The following RFC1 variants were observed in gnomAD, a reference collection of about 807,000 sequenced individuals.
RFC1 encodes replication factor C subunit 1.
A neutral mutation model predicts 137.4 loss-of-function variants in RFC1; 37 were observed. That is an observed-to-expected ratio of 0.27 (90% confidence interval 0.21 to 0.35). The LOEUF is 0.35. RFC1 is among the 10% of genes least tolerant of loss of function. The pLI is 1.00. For synonymous variants in RFC1, 429 were observed against 455.7 expected (o/e 0.94, Z 0.75); for missense variants, 1,205 against 1,358.5 (o/e 0.89, Z 1.78).
intron 20 of RFC1, 24 bp downstream of exon 20, chr4:39,300,236 C>T: frequency 1.9e-6 from 3 of 1,613,846 alleles, no homozygotes; most frequent in South Asian, 2.2e-5. Context: ...CTAAGCACAC[C>T]TCTCACCAGC....
rs1221112151 is a variant in RFC1 at position 39,289,965 on chromosome 4, T to A, written c.3243A>T (p.Ala1081=). The change falls in exon 24 of 25, where the codon GCA becomes GCT. Residue 1081 remains alanine, a synonymous_variant. Coordinates refer to ENST00000349703, the MANE Select transcript of RFC1 (RefSeq NM_002913.5). ...LTPYSLQAIK[A]SRHSTSPSLD... is the part of the protein sequence containing the mutation. ...GGGATGGGCTTGTGCTGTGTCTAGA[T>A]GCCTTTATAGCTTGAAGTGAGTATG... 1 of 1,613,598 alleles carries A rather than the reference T, an allele frequency of 6.2e-7. No homozygotes were observed. Among genetic ancestry groups the A allele is most frequent in the African/African-American group, 1.3e-5 (1 of 74,914 alleles).
At chr4:39,290,937 G>A (rs1737643493) in intron 23 of RFC1, among the ~76,000 whole-genome samples, 1 of 151,964 alleles carries the variant, frequency 6.6e-6, no homozygotes, top group African/African-American at 2.4e-5. Context: ...TAACTTGAAA[G>A]TCTTACCTTC....
At chr4:39,302,706 T>C in intron 17 of RFC1, 31 bp downstream of exon 17, 2 of 1,549,398 alleles carry the variant, frequency 1.3e-6, no homozygotes, top group Non-Finnish European at 1.7e-6. Flanking sequence ...AATAGGCTAG[T>C]GTGATGGAAA....
chr4:39,311,002 G>A (rs777826512), intron 12 of RFC1, among the ~76,000 whole-genome samples: 7 of 151,928 alleles, frequency 4.6e-5, no homozygotes, highest in East Asian at 1.9e-4. Flanking sequence ...ATTAGCAGGC[G>A]TGGTGTCAGG....
chr4:39,339,535 T>C (rs80259234), intron 4 of RFC1, among the ~76,000 whole-genome samples: 148 of 152,340 alleles, frequency 9.7e-4, no homozygotes, highest in African/African-American at 3.5e-3. Context: ...GCCACTTTTA[T>C]GCATTCTCTG....
intron 1 of RFC1, among the ~76,000 whole-genome samples, chr4:39,360,431 C>T (rs1403574439): frequency 6.6e-6 from 1 of 151,706 alleles, no homozygotes; most frequent in African/African-American, 2.4e-5. Flanking sequence ...TGAACCCAGG[C>T]AGCAGCGGTT....
chr4:39,335,746 G>A lies in RFC1; in HGVS notation c.331+6599C>T, dbSNP rs113364486. Among the ~76,000 whole-genome samples the A allele has an allele frequency of 3.0e-3, 464 of 152,200 alleles. 1 individual carries two copies. Among genetic ancestry groups the A allele is most frequent in the African/African-American group, 0.011 (437 of 41,498 alleles). ...AAATCTGCCTGACCACAGAGTTAAGGGAGTGATTCTGCAATCGATGCAATT... is the reference window on the plus strand; with the variant it reads ...AAATCTGCCTGACCACAGAGTTAAGAGAGTGATTCTGCAATCGATGCAATT... On this transcript the variant is annotated intron_variant, in intron 4 of 24. Transcript: ENST00000349703.
At chr4:39,322,638 G>A (rs930988849) in intron 7 of RFC1, among the ~76,000 whole-genome samples, 4 of 152,212 alleles carry the variant, frequency 2.6e-5, no homozygotes, top group African/African-American at 9.6e-5. Context: ...GGTAAACTGG[G>A]CACAGAAGCT....
intron 2 of RFC1, among the ~76,000 whole-genome samples, chr4:39,348,467 AAG>A (rs1741014902): frequency 1.4e-5 from 2 of 139,278 alleles, no homozygotes; most frequent in African/African-American, 5.1e-5. Context: ...AAGAAAAGAA[AAG>A]AAAAGAAAAG....
intron 9 of RFC1, 68 bp from the exon 10 acceptor site, chr4:39,317,090 C>T: frequency 1.1e-6 from 1 of 913,942 alleles, no homozygotes; most frequent in South Asian, 1.4e-5. Context: ...AAATACATAT[C>T]TAGAAATAAA....
At chr4:39,326,219 C>T (rs1739756843) in intron 6 of RFC1, among the ~76,000 whole-genome samples, 1 of 152,062 alleles carries the variant, frequency 6.6e-6, no homozygotes, top group Non-Finnish European at 1.5e-5. Context: ...AAAATAAAAA[C>T]TCCAATGGTT....
Position 39,348,435 on chromosome 4 carries a change from A to AG in RFC1, c.132+2912_132+2913insC, listed in dbSNP as rs1560619933. On this transcript the variant is annotated intron_variant, in intron 2 of 24. Transcript: ENST00000349703. ...AAGACTCTGTTTCAAAAAAGAAAAG[A>AG]AAAGAAAAGAAAAGAAAAGAAAAGA... 2.1e-4 allele frequency among the ~76,000 whole-genome samples: 18 copies of AG among 87,734 alleles called. 1 individual carries two copies. Among genetic ancestry groups the AG allele is most frequent in the African/African-American group, 4.5e-4 (11 of 24,270 alleles). 57.6% of individuals were successfully genotyped at this position (87,734 alleles called of 152,430 possible).
chr4:39,296,279 T>G (rs1238567765), intron 21 of RFC1, among the ~76,000 whole-genome samples: 1 of 147,702 alleles, frequency 6.8e-6, no homozygotes, highest in African/African-American at 2.5e-5. Flanking sequence ...TACTTTAAGT[T>G]TTAGGGTACA....
At position 39,289,959 on chromosome 4, in the gene RFC1, T is replaced by C. The variant is rs1178336013; in HGVS notation, c.3249A>G (p.Arg1083=). 1.9e-6 allele frequency: 3 copies of C among 1,613,500 alleles called. No individual in the cohort carries two copies. In the Admixed American group the frequency reaches 5.0e-5, roughly 27 times the overall value. The part of the protein sequence containing the change: ...PYSLQAIKAS[R]HSTSPSLDSE... The stretch of plus-strand genomic sequence containing the variant: ...AATCCAGGGATGGGCTTGTGCTGTG[T>C]CTAGATGCCTTTATAGCTTGAAGTG... Residue 1083 remains arginine (R), a synonymous_variant, in exon 24 of 25, where the codon AGA becomes AGG. Coordinates refer to ENST00000349703, the MANE Select transcript of RFC1 (RefSeq NM_002913.5).
chr4:39,308,348 ATCT>A (rs1289173100), intron 13 of RFC1, among the ~76,000 whole-genome samples: 1 of 152,068 alleles, frequency 6.6e-6, no homozygotes, highest in Non-Finnish European at 1.5e-5. Context: ...CTGACCACAC[ATCT>A]TCATCCTCAC....
intron 4 of RFC1, 112 bp from the exon 5 acceptor site, chr4:39,327,868 A>G (rs17334888): frequency 4.9e-6 from 4 of 808,898 alleles, no homozygotes; most frequent in Non-Finnish European, 7.6e-6. Flanking sequence ...ATGGTGGCTC[A>G]TGCTTGTAAT....
At chr4:39,352,047 T>G (rs1194662602) in intron 1 of RFC1, among the ~76,000 whole-genome samples, 2 of 146,350 alleles carry the variant, frequency 1.4e-5, no homozygotes, top group African/African-American at 5.1e-5. Context: ...CAGGCCAAAA[T>G]AAGCAAGTGA....
intron 5 of RFC1, 83 bp downstream of exon 5, chr4:39,327,441 T>C (rs113220938): frequency 2.7e-6 from 2 of 751,904 alleles, no homozygotes; most frequent in Non-Finnish European, 4.2e-6. Context: ...ATGTTGCCTA[T>C]TTACTACATC....
chr4:39,361,941 A>T (rs1741780921), intron 1 of RFC1, among the ~76,000 whole-genome samples: 1 of 152,194 alleles, frequency 6.6e-6, no homozygotes, highest in African/African-American at 2.4e-5. Flanking sequence ...CGGGAGGCTG[A>T]GGCCGGAGAA....
Sources: gnomAD v4.1 joint callset for allele counts (sites outside exome capture counted in the v4.1 genomes callset) on GRCh38, gnomAD v4.1.1 for gene constraint, MANE v1.5 for transcripts, NCBI Gene and HGNC (gene_info 2026-07-23, HGNC 2026-07-21) for gene names.